NAV2: variants seen among roughly 807,000 people sequenced by gnomAD.
NAV2 encodes helicase, APC down-regulated 1.
In NAV2, 54 loss-of-function variants were observed where a neutral mutation model predicts 223.2. The ratio of observed to expected loss-of-function variants is 0.24; its 90% confidence interval spans 0.19 to 0.30. The LOEUF is 0.30. Ranked by LOEUF, NAV2 falls within the 10% of genes least tolerant of loss-of-function variation. NAV2 has a pLI of 1.00. For synonymous variants in NAV2, 1,279 were observed against 1,239.3 expected (o/e 1.03, Z -0.67); for missense variants, 2,806 against 3,147.5 (o/e 0.89, Z 2.60).
intron 1 of NAV2, among the ~76,000 whole-genome samples, chr11:19,679,374 T>C (rs1377381738): frequency 2.3e-5 from 3 of 132,946 alleles, no homozygotes; most frequent in Non-Finnish European, 4.7e-5. Context: ...GAGGTTGCAG[T>C]GAACCGAGAT....
chr11:19,879,392 T>C (rs1388181826), intron 4 of NAV2, among the ~76,000 whole-genome samples: 1 of 152,110 alleles, frequency 6.6e-6, no homozygotes, highest in African/African-American at 2.4e-5. Flanking sequence ...CAGAGCCACG[T>C]ATTTGAGAGT....
chr11:19,570,142 C>T (rs2045383724), intron 1 of NAV2, among the ~76,000 whole-genome samples: 1 of 152,128 alleles, frequency 6.6e-6, no homozygotes. Flanking sequence ...CAACAGGAGG[C>T]AGATCTGGAG....
chr11:20,088,193 T>G (rs552753254), intron 26 of NAV2, among the ~76,000 whole-genome samples: 1 of 152,340 alleles, frequency 6.6e-6, no homozygotes, highest in South Asian at 2.1e-4. Flanking sequence ...CTTTTTTGTT[T>G]TGAGACTGAG....
At chr11:19,525,033 T>C (rs1165015698) in intron 1 of NAV2, among the ~76,000 whole-genome samples, 2 of 152,252 alleles carry the variant, frequency 1.3e-5, no homozygotes, top group Admixed American at 6.5e-5. Flanking sequence ...CCTGTGAATG[T>C]CATTCATTTC....
intron 6 of NAV2, among the ~76,000 whole-genome samples, chr11:19,907,878 T>G (rs945775413): frequency 2.0e-5 from 3 of 152,162 alleles, no homozygotes; most frequent in African/African-American, 7.2e-5. Context: ...AATTTGCAAC[T>G]TGCTGCCCCA....
chr11:19,917,225 T>C (rs1367351416), intron 6 of NAV2, among the ~76,000 whole-genome samples: 3 of 152,304 alleles, frequency 2.0e-5, no homozygotes, highest in African/African-American at 7.2e-5. Flanking sequence ...TCTGTGAAGG[T>C]GGTTTCTACT....
intron 1 of NAV2, among the ~76,000 whole-genome samples, chr11:19,429,127 T>G (rs1850947106): frequency 6.6e-6 from 1 of 152,206 alleles, no homozygotes; most frequent in South Asian, 2.1e-4. Flanking sequence ...CCAGGTGCAC[T>G]CAGAGTCTTC....
At chr11:19,913,980 C>A (rs1565548255) in intron 6 of NAV2, among the ~76,000 whole-genome samples, 1 of 151,180 alleles carries the variant, frequency 6.6e-6, no homozygotes, top group African/African-American at 2.5e-5. Flanking sequence ...CTGTGGACTC[C>A]CCGAGCCAGT....
chr11:19,959,478 G>A (rs1462949380), intron 10 of NAV2, among the ~76,000 whole-genome samples: 1 of 152,208 alleles, frequency 6.6e-6, no homozygotes, highest in African/African-American at 2.4e-5. Flanking sequence ...GAAGCCCACT[G>A]TGCTCATCTG....
chr11:19,628,904 T>C (rs2047257336), intron 1 of NAV2, among the ~76,000 whole-genome samples: 1 of 152,104 alleles, frequency 6.6e-6, no homozygotes, highest in African/African-American at 2.4e-5. Context: ...TCCCCGGTAC[T>C]CCCATGGAGT....
At chr11:19,345,491 G>A in the NAV2 span, among the ~76,000 whole-genome samples, 22 of 152,336 alleles carry the variant, frequency 1.4e-4, no homozygotes, top group East Asian at 7.7e-4. The surrounding 1 kb of genome is among the most constrained non-coding windows in gnomAD (Gnocchi z 5.2). Flanking sequence ...GAGAGGGCCG[G>A]CCCCTCATTG....
At chr11:19,622,799 C>G (rs1256051037) in intron 1 of NAV2, among the ~76,000 whole-genome samples, 1 of 152,118 alleles carries the variant, frequency 6.6e-6, no homozygotes, top group Non-Finnish European at 1.5e-5. Context: ...GAATTTGATC[C>G]TGTCATTATG....
chr11:19,612,176 C>G (rs1459106475), intron 1 of NAV2, among the ~76,000 whole-genome samples: 1 of 152,224 alleles, frequency 6.6e-6, no homozygotes, highest in African/African-American at 2.4e-5. Context: ...CACAGGGTGC[C>G]AAGTCCCTAG....
chr11:19,750,210 CCA>C lies in NAV2; in HGVS notation c.267+36249_267+36250del, dbSNP rs1445997808. 4.6e-5 allele frequency among the ~76,000 whole-genome samples: 7 copies of C among 152,326 alleles called. No individual in the cohort carries two copies. In the South Asian group the frequency reaches 1.0e-3, roughly 23 times the overall value. On this transcript the variant is annotated intron_variant, in intron 1 of 37. Coordinates refer to ENST00000349880, the MANE Select transcript of NAV2 (RefSeq NM_145117.5). ...TGCTTCTGGTATGCTCATCTCACCCCCAGTTTTATCAACAGCTCCTCTGCATT... is the reference window on the plus strand; with the variant it reads ...TGCTTCTGGTATGCTCATCTCACCCCGTTTTATCAACAGCTCCTCTGCATT...
chr11:19,666,088 A>T (rs2048402363), intron 1 of NAV2, among the ~76,000 whole-genome samples: 1 of 152,244 alleles, frequency 6.6e-6, no homozygotes, highest in African/African-American at 2.4e-5. Context: ...AAGTAAAATA[A>T]AACTGAGCTT....
chr11:19,694,432 G>A (rs1338081399), intron 1 of NAV2, among the ~76,000 whole-genome samples: 1 of 152,214 alleles, frequency 6.6e-6, no homozygotes, highest in Non-Finnish European at 1.5e-5. Flanking sequence ...GCACAGGGAA[G>A]CCAGGGGAGG....
rs1277490702 is a variant in NAV2, at chr11:20,095,587, G to A, written c.5917-85G>A. On this transcript the variant is annotated intron_variant, in intron 29 of 37. Transcript: ENST00000349880. ...ATTCCCCTCTCAAACCATTGGCGGA[G>A]TTCTAAGGCAACCTGAGTCCTCTGC... The A allele has an allele frequency of 1.4e-5, 13 of 924,170 alleles. No individual in the cohort carries two copies. The Admixed American group carries it at 2.3e-4, about 16-fold the overall frequency. 57.2% of individuals were successfully genotyped at this position (924,170 alleles called of 1,614,324 possible). A position where few individuals can be genotyped will look rare whatever the true frequency, so the allele number is the denominator to read the frequency against.
At chr11:19,368,714 C>T (rs1848372410) in intron 1 of NAV2, among the ~76,000 whole-genome samples, 1 of 152,174 alleles carries the variant, frequency 6.6e-6, no homozygotes, top group Non-Finnish European at 1.5e-5. Context: ...AGTTAAAAGT[C>T]AAAGTCACAC....
At chr11:19,426,199 C>A (rs951743895) in intron 1 of NAV2, among the ~76,000 whole-genome samples, 1 of 152,112 alleles carries the variant, frequency 6.6e-6, no homozygotes, top group African/African-American at 2.4e-5. Flanking sequence ...GTGCTCCTAG[C>A]GTCTCAAGAA....
Sources: allele counts gnomAD v4.1 joint callset (sites outside exome capture counted in the v4.1 genomes callset), GRCh38; gene constraint gnomAD v4.1.1; non-coding constraint Gnocchi (gnomAD v3.1); transcripts MANE v1.5; gene names NCBI Gene and HGNC (gene_info 2026-07-23, HGNC 2026-07-21).